The following VGLL4 variants were observed in gnomAD, a reference collection of about 807,000 sequenced individuals.
VGLL4 encodes the protein vestigial like family member 4, also known as transcription cofactor vestigial-like protein 4.
Under a neutral mutation model 21.0 loss-of-function variants are expected in VGLL4, and 7 were observed. The ratio of observed to expected loss-of-function variants is 0.33; its 90% CI spans 0.19 to 0.63. VGLL4 has a LOEUF of 0.63. Among genes scored for constraint, VGLL4 ranks in the 20% least tolerant of loss-of-function variants. The probability of loss-of-function intolerance (pLI) is 0.78; values close to 1 mark genes in which losing one functional copy is unlikely to be tolerated. For missense variants in VGLL4, 394 were observed against 425.7 expected (o/e 0.93, Z 0.66); for synonymous variants, 222 against 173.2 (o/e 1.28, Z -2.21).
intron 2 of VGLL4, among the ~76,000 whole-genome samples, chr3:11,584,996 TATC>T (rs1244006247): frequency 6.6e-6 from 1 of 151,818 alleles, no homozygotes; most frequent in Non-Finnish European, 1.5e-5. Context: ...CCTATGTACA[TATC>T]ATCCTCCAAT....
intron 2 of VGLL4, among the ~76,000 whole-genome samples, chr3:11,574,739 CTATGTA>C (rs2073977580): frequency 1.3e-5 from 2 of 151,504 alleles, no homozygotes; most frequent in Non-Finnish European, 2.9e-5. Flanking sequence ...CGAAACTTCA[CTATGTA>C]CCCCATGAAT....
intron 2 of VGLL4, among the ~76,000 whole-genome samples, chr3:11,684,746 G>GTGTGTGTGTGTGTA (rs1165848133): frequency 1.3e-5 from 2 of 151,110 alleles, no homozygotes; most frequent in Non-Finnish European, 2.9e-5. Context: ...GTGTGTGTGT[G>GTGTGTGTGTGTGTA]TGTGTGTGTG....
intron 2 of VGLL4, among the ~76,000 whole-genome samples, chr3:11,688,534 G>C (rs2076482735): frequency 6.6e-6 from 1 of 151,980 alleles, no homozygotes; most frequent in Non-Finnish European, 1.5e-5. Flanking sequence ...TATTTGTATA[G>C]TATTCTCATC....
Position 11,573,156 on chromosome 3 carries a change from A to T in VGLL4, c.273-8137T>A, listed in dbSNP as rs574803325. The stretch of plus-strand genomic sequence containing the variant: ...ACTCCAACCTGGGTGACAGGGCAAG[A>T]CTCCGTCTCAAGAAAGAAAGACAGA... On this transcript the variant is annotated intron_variant, in intron 2 of 4. Transcript: ENST00000430365. 1.6e-4 allele frequency among the ~76,000 whole-genome samples: 24 copies of T among 147,314 alleles called. 1 individual carries two copies. The South Asian group carries it at 4.6e-3, about 28-fold the overall frequency.
intron 3 of VGLL4, among the ~76,000 whole-genome samples, chr3:11,559,829 C>T (rs186968217): frequency 2.4e-4 from 36 of 152,304 alleles, no homozygotes; most frequent in African/African-American, 8.4e-4. Flanking sequence ...AGAGCCCTTC[C>T]CATCATGTCC....
chr3:11,573,288 AAAGAAAGAAAGAAAGAAAGGAAGG>A lies in VGLL4; in HGVS notation c.273-8293_273-8270del, dbSNP rs1559869714. 1.3e-3 allele frequency among the ~76,000 whole-genome samples: 15 copies of A among 11,702 alleles called. 1 individual carries two copies. The highest frequency in any genetic ancestry group is 0.02 in the Middle Eastern group (1 of 50). 7.7% of individuals were successfully genotyped at this position (11,702 alleles called of 152,430 possible). The stretch of plus-strand genomic sequence containing the variant: ...GAAAGAAAGAAAGAAAGAAAGAAAG[AAAGAAAGAAAGAAAGAAAGGAAGG>A]AAGGAAGAAAGAAAGAAAGAAAGAA... On this transcript the variant is annotated intron_variant, in intron 2 of 4. Coordinates refer to ENST00000430365, the MANE Select transcript of VGLL4 (RefSeq NM_001128219.3).
chr3:11,589,462 A>G (rs912006510), intron 2 of VGLL4, among the ~76,000 whole-genome samples: 3 of 152,230 alleles, frequency 2.0e-5, no homozygotes, highest in African/African-American at 7.2e-5. Flanking sequence ...TAAACTTTAC[A>G]GCACCAGAGC....
intron 1 of VGLL4, among the ~76,000 whole-genome samples, chr3:11,618,922 C>T (rs1322685884): frequency 6.6e-6 from 1 of 152,176 alleles, no homozygotes; most frequent in East Asian, 1.9e-4. Flanking sequence ...TTTACATTTA[C>T]ATTACCCAGT....
intron 2 of VGLL4, among the ~76,000 whole-genome samples, chr3:11,689,691 C>A (rs972209821): frequency 1.3e-5 from 2 of 152,186 alleles, no homozygotes; most frequent in Admixed American, 6.5e-5. Context: ...AAAGACTGGG[C>A]CAATCAACAA....
chr3:11,704,226 C>A (rs1053431171), intron 1 of VGLL4, among the ~76,000 whole-genome samples: 37 of 150,584 alleles, frequency 2.5e-4, no homozygotes, highest in African/African-American at 9.0e-4. Flanking sequence ...ACTACAAATA[C>A]AAAAAAATTA....
At chr3:11,600,569 G>A (rs2074769687) in intron 2 of VGLL4, among the ~76,000 whole-genome samples, 2 of 152,188 alleles carry the variant, frequency 1.3e-5, no homozygotes, top group African/African-American at 2.4e-5. Flanking sequence ...GCTCCAGACT[G>A]CAGGCTCAGC....
At position 11,566,709 on chromosome 3, in the gene VGLL4, C is replaced by T. The variant is rs142396401; in HGVS notation, c.273-1690G>A. The stretch of plus-strand genomic sequence containing the variant: ...CCTCCCCGTCCTGCGCTGCCAACCA[C>T]AGCTGCAGTGTAGAATCCCAAGGCG... On this transcript the variant is annotated intron_variant, in intron 2 of 4. Transcript: ENST00000430365. Among the ~76,000 whole-genome samples, 187 of 152,302 alleles carry T rather than the reference C, an allele frequency of 1.2e-3. 1 individual carries two copies. The highest frequency in any genetic ancestry group is 4.3e-3 in the African/African-American group (178 of 41,560).
chr3:11,613,130 T>C (rs574104849), intron 1 of VGLL4, among the ~76,000 whole-genome samples: 1 of 152,222 alleles, frequency 6.6e-6, no homozygotes, highest in East Asian at 1.9e-4. Flanking sequence ...GGGACCCTGG[T>C]TGCCACGAAA....
upstream of VGLL4, chr3:11,721,200 GA>G (rs901075599): frequency 6.0e-5 from 9 of 149,408 alleles, no homozygotes; most frequent in African/African-American, 1.2e-4. Context: ...ATTCGTGCTG[GA>G]AAAAAAAAAT....
Position 11,573,304 on chromosome 3 carries a change from A to AAGG in VGLL4, c.273-8286_273-8285insCCT, listed in dbSNP as rs1559870038. The stretch of plus-strand genomic sequence containing the variant: ...GAAAGAAAGAAAGAAAGAAAGAAAG[A>AAGG]AAGGAAGGAAGGAAGAAAGAAAGAA... On this transcript the variant is annotated intron_variant, in intron 2 of 4. Coordinates refer to ENST00000430365, the MANE Select transcript of VGLL4 (RefSeq NM_001128219.3). 2.2e-3 allele frequency among the ~76,000 whole-genome samples: 27 copies of AAGG among 12,058 alleles called. 3 individuals carry two copies. The highest frequency in any genetic ancestry group is 2.0e-3 in the African/African-American group (4 of 1,960). The allele number at this position is 12,058 out of a possible 152,430, so 7.9% of individuals were successfully genotyped here. A position where few individuals can be genotyped will look rare whatever the true frequency, so the allele number is the denominator to read the frequency against.
intron 1 of VGLL4, among the ~76,000 whole-genome samples, chr3:11,635,534 C>T (rs1350563729): frequency 3.3e-5 from 5 of 152,222 alleles, no homozygotes; most frequent in Middle Eastern, 3.2e-3. Context: ...GGTCCTCTCC[C>T]ACTCACTCTC....
intron 2 of VGLL4, among the ~76,000 whole-genome samples, chr3:11,656,502 G>C (rs3846113): frequency 0.25 from 38,775 of 152,156 alleles, 6,508 homozygotes; most frequent in African/African-American, 0.48. Flanking sequence ...TTTGCAGAAG[G>C]GGCTGGCAGA....
At chr3:11,651,283 T>C (rs1229089018) in intron 2 of VGLL4, among the ~76,000 whole-genome samples, 2 of 149,874 alleles carry the variant, frequency 1.3e-5, no homozygotes, top group East Asian at 2.0e-4. Context: ...GCGGAGGTTG[T>C]ATTGAGCCAA....
At chr3:11,655,145 T>G (rs963166854) in intron 2 of VGLL4, among the ~76,000 whole-genome samples, 1 of 152,216 alleles carries the variant, frequency 6.6e-6, no homozygotes, top group African/African-American at 2.4e-5. Context: ...AAGCCATGGG[T>G]GTCCAGGAGG....
Sources: allele counts gnomAD v4.1 joint callset (sites outside exome capture counted in the v4.1 genomes callset), GRCh38; gene constraint gnomAD v4.1.1; transcripts MANE v1.5; gene names NCBI Gene and HGNC (gene_info 2026-07-23, HGNC 2026-07-21).